The following TENM3 variants were observed in gnomAD, a reference collection of about 807,000 sequenced individuals.
TENM3 encodes teneurin-3.
TENM3 carries 63 observed loss-of-function variants against 255.1 expected under a neutral mutation model. The observed-to-expected ratio is 0.25, with a 90% confidence interval of 0.20 to 0.30. The LOEUF is 0.30. TENM3 is among the 10% of genes least tolerant of loss of function. TENM3 has a pLI of 1.00. For missense variants in TENM3, 2,929 were observed against 3,461.1 expected (o/e 0.85, Z 3.86); for synonymous variants, 1,306 against 1,322.3 (o/e 0.99, Z 0.27).
intron 1 of TENM3, among the ~76,000 whole-genome samples, chr4:182,177,383 A>G (rs1429633330): frequency 6.6e-6 from 1 of 152,090 alleles, no homozygotes; most frequent in Non-Finnish European, 1.5e-5. Context: ...CCTGCTTAGC[A>G]TCAGTACACA....
intron 1 of TENM3, among the ~76,000 whole-genome samples, chr4:182,161,852 A>T (rs200012293): frequency 1.2e-4 from 1 of 8,484 alleles, no homozygotes; most frequent in African/African-American, 2.8e-4. Flanking sequence ...TATATACACA[A>T]ATATATATGT....
At chr4:181,883,977 G>A in the TENM3 span, among the ~76,000 whole-genome samples, 1 of 152,154 alleles carries the variant, frequency 6.6e-6, no homozygotes, top group African/African-American at 2.4e-5. Context: ...ATGGGAGGCT[G>A]CATCCTGGTC....
the TENM3 span, among the ~76,000 whole-genome samples, chr4:181,717,560 A>C: frequency 6.6e-6 from 1 of 152,322 alleles, no homozygotes; most frequent in East Asian, 1.9e-4. Context: ...AGTCTAACCA[A>C]TGTGGTATAT....
the TENM3 span, among the ~76,000 whole-genome samples, chr4:182,063,103 G>A: frequency 6.6e-6 from 1 of 152,178 alleles, no homozygotes; most frequent in Non-Finnish European, 1.5e-5. Context: ...AAACAACTCA[G>A]CTAAGAATGT....
the TENM3 span, among the ~76,000 whole-genome samples, chr4:181,708,355 C>T: frequency 1.3e-5 from 2 of 152,144 alleles, no homozygotes; most frequent in East Asian, 1.9e-4. Flanking sequence ...TATATAGCAT[C>T]GTATTGCCAG....
At chr4:182,441,806 G>A (rs1480123260) in intron 3 of TENM3, among the ~76,000 whole-genome samples, 4 of 152,068 alleles carry the variant, frequency 2.6e-5, no homozygotes, top group Non-Finnish European at 5.9e-5. Flanking sequence ...GATTATAGGC[G>A]TGAGCCACTG....
rs530856918 is a variant in TENM3, at chr4:182,633,445, G to T, written c.988+4556G>T. ...TTCATACCAGCTTGATGAGCAAAAA[G>T]AGAAGAAAGGCGATACCTACGTTTT... is the stretch of plus-strand genomic sequence containing the variant. On this transcript the variant is annotated intron_variant, in intron 5 of 27. Transcript: ENST00000511685. 2.6e-5 allele frequency among the ~76,000 whole-genome samples: 4 copies of T among 152,266 alleles called. No individual in the cohort carries two copies. The South Asian group carries it at 8.3e-4, about 32-fold the overall frequency.
At chr4:182,786,104 A>G (rs1765634638) in intron 24 of TENM3, among the ~76,000 whole-genome samples, 1 of 152,236 alleles carries the variant, frequency 6.6e-6, no homozygotes, top group Non-Finnish European at 1.5e-5. Context: ...CACGGCATCC[A>G]GTATTTGTCT....
chr4:182,517,467 T>C (rs2151757470), intron 3 of TENM3, among the ~76,000 whole-genome samples: 1 of 140,700 alleles, frequency 7.1e-6, no homozygotes, highest in South Asian at 2.3e-4. Flanking sequence ...CGCTGCAAGC[T>C]CCGCCTCCCG....
chr4:182,434,292 G>C (rs980438558), intron 3 of TENM3, among the ~76,000 whole-genome samples: 13 of 152,216 alleles, frequency 8.5e-5, no homozygotes, highest in African/African-American at 2.9e-4. Context: ...ATCAGAAGCA[G>C]GACCTGTTTT....
the TENM3 span, among the ~76,000 whole-genome samples, chr4:182,108,132 A>G: frequency 6.6e-6 from 1 of 152,192 alleles, no homozygotes; most frequent in Non-Finnish European, 1.5e-5. Context: ...CGTTTACAGC[A>G]TCAGAGCATG....
the TENM3 span, among the ~76,000 whole-genome samples, chr4:181,615,616 C>A: frequency 6.6e-6 from 1 of 152,158 alleles, no homozygotes; most frequent in Non-Finnish European, 1.5e-5. Context: ...TAACTCCCAG[C>A]AGCTCAAAAT....
At chr4:182,566,650 G>A (rs1028696475) in intron 3 of TENM3, among the ~76,000 whole-genome samples, 27 of 152,306 alleles carry the variant, frequency 1.8e-4, no homozygotes, top group African/African-American at 6.5e-4. Context: ...GCTCTTGTAT[G>A]TGGCAGGATG....
chr4:182,742,729 G>T lies in TENM3; in HGVS notation c.3380-441G>T, dbSNP rs72997125. 8.2e-3 allele frequency among the ~76,000 whole-genome samples: 1,256 copies of T among 152,270 alleles called. 12 individuals are homozygous for T. The highest frequency in any genetic ancestry group is 0.028 in the African/African-American group (1,179 of 41,558). On this transcript the variant is annotated intron_variant, in intron 18 of 27. Coordinates refer to ENST00000511685, the MANE Select transcript of TENM3 (RefSeq NM_001080477.4). ...AGCCTGTTCTCAAACCTGGTTGCAC[G>T]TTAAGATCATCTGGAGAGTTTTTCT...
chr4:181,714,387 G>A, the TENM3 span, among the ~76,000 whole-genome samples: 3 of 152,176 alleles, frequency 2.0e-5, no homozygotes, highest in African/African-American at 4.8e-5. Context: ...AGGCTGCAAT[G>A]AGCTATGTTC....
Position 182,296,807 on chromosome 4 carries a change from A to G in TENM3, c.-75-27139A>G, listed in dbSNP as rs370680261. 5.3e-5 allele frequency among the ~76,000 whole-genome samples: 8 copies of G among 152,294 alleles called. No homozygotes were observed. In the South Asian group the frequency reaches 1.0e-3, roughly 20 times the overall value. ...TTCCTCAGGAGTTCTGGAAACAAAG[A>G]TCTGATTTTTTAAAACACAAATTGC... On this transcript the variant is annotated intron_variant, in intron 1 of 27. Transcript: ENST00000511685.
At chr4:182,259,811 C>A (rs1352709271) in intron 1 of TENM3, among the ~76,000 whole-genome samples, 1 of 152,116 alleles carries the variant, frequency 6.6e-6, no homozygotes, top group African/African-American at 2.4e-5. Flanking sequence ...CAATAGATTA[C>A]TGTAAACTAT....
At chr4:182,707,297 G>A (rs954791244) in intron 12 of TENM3, among the ~76,000 whole-genome samples, 1 of 152,158 alleles carries the variant, frequency 6.6e-6, no homozygotes, top group Admixed American at 6.5e-5. Flanking sequence ...ATAAGCAGAT[G>A]AGGCAACAGC....
chr4:181,652,142 T>TAAAAA, the TENM3 span, among the ~76,000 whole-genome samples: 131 of 114,656 alleles, frequency 1.1e-3, no homozygotes, highest in African/African-American at 4.2e-3. Flanking sequence ...CACTTTGGGG[T>TAAAAA]AAAAAAAAAA....
Sources: gnomAD v4.1 joint callset for allele counts (sites outside exome capture counted in the v4.1 genomes callset) on GRCh38, gnomAD v4.1.1 for gene constraint, MANE v1.5 for transcripts, NCBI Gene and HGNC (gene_info 2026-07-23, HGNC 2026-07-21) for gene names.